DPP10: variants seen among roughly 807,000 people sequenced by gnomAD.
DPP10 encodes dipeptidyl peptidase like 10.
DPP10 carries 33 observed loss-of-function variants against 120.9 expected under a neutral mutation model. The observed-to-expected ratio is 0.27, with a 90% CI of 0.21 to 0.37. DPP10 has a LOEUF of 0.37. Among genes scored for constraint, DPP10 ranks in the 10% least tolerant of loss-of-function variants. DPP10 has a pLI of 1.00. For missense variants in DPP10, 816 were observed against 942.8 expected (o/e 0.87, Z 1.76); for synonymous variants, 337 against 326.1 (o/e 1.03, Z -0.36).
intron 1 of DPP10, among the ~76,000 whole-genome samples, chr2:114,610,112 T>G (rs1334741752): frequency 6.6e-6 from 1 of 152,208 alleles, no homozygotes; most frequent in East Asian, 1.9e-4. Context: ...AGCATCTCCA[T>G]CTTACGGATG....
chr2:114,458,454 A>G (rs1169930559), intron 1 of DPP10, among the ~76,000 whole-genome samples: 1 of 152,076 alleles, frequency 6.6e-6, no homozygotes, highest in Non-Finnish European at 1.5e-5. Context: ...TGCTCTAGTT[A>G]TTTTCTTAAA....
intron 1 of DPP10, among the ~76,000 whole-genome samples, chr2:114,520,698 T>A (rs1684976853): frequency 6.6e-6 from 1 of 152,204 alleles, no homozygotes; most frequent in Non-Finnish European, 1.5e-5. Flanking sequence ...GCTAGTCTAA[T>A]CTTCTCTCTG....
At chr2:115,464,448 C>A (rs1028099371) in intron 3 of DPP10, among the ~76,000 whole-genome samples, 3 of 151,338 alleles carry the variant, frequency 2.0e-5, no homozygotes, top group African/African-American at 4.8e-5. Flanking sequence ...ACAAAAAAAA[C>A]AGCGGTACAG....
intron 1 of DPP10, among the ~76,000 whole-genome samples, chr2:115,266,367 T>G (rs1350944948): frequency 1.3e-5 from 2 of 152,180 alleles, no homozygotes; most frequent in African/African-American, 2.4e-5. Context: ...GTCACCTACG[T>G]GCTATTGTAT....
intron 1 of DPP10, among the ~76,000 whole-genome samples, chr2:114,817,276 T>C (rs1189686552): frequency 6.9e-6 from 1 of 145,460 alleles, no homozygotes; most frequent in African/African-American, 2.6e-5. Flanking sequence ...CCTATAGTGA[T>C]AGGGGGATAT....
chr2:115,120,463 G>A (rs996727542), intron 1 of DPP10, among the ~76,000 whole-genome samples: 1 of 152,160 alleles, frequency 6.6e-6, no homozygotes, highest in African/African-American at 2.4e-5. Context: ...AAGACAAGGA[G>A]CCTTCTATAT....
chr2:114,650,957 A>G (rs1001816008), intron 1 of DPP10, among the ~76,000 whole-genome samples: 4 of 152,084 alleles, frequency 2.6e-5, no homozygotes, highest in African/African-American at 7.2e-5. Flanking sequence ...CATACATTCA[A>G]TATTTTCCTG....
At chr2:114,890,429 C>T (rs1692445338) in intron 1 of DPP10, among the ~76,000 whole-genome samples, 1 of 151,978 alleles carries the variant, frequency 6.6e-6, no homozygotes, top group African/African-American at 2.4e-5. Flanking sequence ...AATGAATAAG[C>T]AAAGGTCAAG....
chr2:114,518,250 G>C (rs1416943266), intron 1 of DPP10, among the ~76,000 whole-genome samples: 1 of 151,660 alleles, frequency 6.6e-6, no homozygotes, highest in Non-Finnish European at 1.5e-5. Flanking sequence ...GCTAATTTTT[G>C]TGTTTTTAGT....
intron 1 of DPP10, among the ~76,000 whole-genome samples, chr2:114,796,837 C>T (rs1457438357): frequency 6.6e-6 from 1 of 152,152 alleles, no homozygotes; most frequent in Admixed American, 6.6e-5. Context: ...AGTGTTTTGG[C>T]CAGCTAAAAA....
chr2:115,140,446 C>A (rs761771642), intron 1 of DPP10, among the ~76,000 whole-genome samples: 13 of 152,188 alleles, frequency 8.5e-5, no homozygotes, highest in Admixed American at 7.2e-4. Flanking sequence ...CAATCAGAAC[C>A]TTTTGGCCGC....
intron 3 of DPP10, among the ~76,000 whole-genome samples, chr2:115,433,417 G>A (rs1348460816): frequency 6.6e-6 from 1 of 151,912 alleles, no homozygotes; most frequent in East Asian, 1.9e-4. Context: ...TTGTGTGTAT[G>A]TGTGTTTCCG....
chr2:115,243,909 GA>G (rs1335714443), intron 1 of DPP10, among the ~76,000 whole-genome samples: 1 of 151,480 alleles, frequency 6.6e-6, no homozygotes, highest in Non-Finnish European at 1.5e-5. Context: ...GACTAAAATA[GA>G]TGCTCCCCAT....
chr2:115,599,332 T>TA (rs529803607), intron 5 of DPP10, among the ~76,000 whole-genome samples: 53 of 152,256 alleles, frequency 3.5e-4, no homozygotes, highest in Middle Eastern at 6.8e-3. Flanking sequence ...CATTGTCTCA[T>TA]AGACTTCTTA....
At chr2:114,711,777 A>AC (rs1371364334) in intron 1 of DPP10, among the ~76,000 whole-genome samples, 13 of 152,266 alleles carry the variant, frequency 8.5e-5, no homozygotes, top group African/African-American at 3.1e-4. Context: ...TTTTAAATGA[A>AC]AGTACTTGAG....
chr2:115,489,161 T>C (rs1445268166), intron 3 of DPP10, among the ~76,000 whole-genome samples: 2 of 152,126 alleles, frequency 1.3e-5, no homozygotes, highest in East Asian at 1.9e-4. Context: ...CGGGCCATAT[T>C]TTCTCTGTTG....
chr2:115,393,965 C>T (rs947307049), intron 3 of DPP10, among the ~76,000 whole-genome samples: 2 of 152,030 alleles, frequency 1.3e-5, no homozygotes, highest in African/African-American at 4.8e-5. Context: ...TGAATGTATA[C>T]ATTGAGGTCA....
intron 7 of DPP10, among the ~76,000 whole-genome samples, chr2:115,709,110 T>G (rs1217560272): frequency 1.3e-5 from 2 of 152,118 alleles, no homozygotes; most frequent in Non-Finnish European, 2.9e-5. Context: ...GAGTGAAATT[T>G]ACAGGAAAAT....
chr2:114,463,913 A>T (rs1389796448), intron 1 of DPP10, among the ~76,000 whole-genome samples: 1 of 152,170 alleles, frequency 6.6e-6, no homozygotes, highest in Non-Finnish European at 1.5e-5. Context: ...CTTTTCAGAT[A>T]GGCTTTTTTT....
Sources: allele counts gnomAD v4.1 joint callset (sites outside exome capture counted in the v4.1 genomes callset), GRCh38; gene constraint gnomAD v4.1.1; transcripts MANE v1.5; gene names NCBI Gene and HGNC (gene_info 2026-07-23, HGNC 2026-07-21).